Variants in PLCG2 observed in about 807,000 individuals in gnomAD.
PLCG2 encodes phospholipase C gamma 2.
PLCG2 carries 69 observed loss-of-function variants against 175.6 expected under a neutral mutation model. That is an observed-to-expected ratio of 0.39 (90% CI 0.32 to 0.48). The LOEUF (loss-of-function observed/expected upper bound fraction) is 0.48, where lower values mean the gene tolerates loss of function less well. Ranked by LOEUF, PLCG2 falls within the 20% of genes least tolerant of loss-of-function variation. The probability of loss-of-function intolerance (pLI) is 0.91; values close to 1 mark genes in which losing one functional copy is unlikely to be tolerated. For synonymous variants in PLCG2, 827 were observed against 624.0 expected (o/e 1.33, Z -4.85); for missense variants, 1,798 against 1,650.9 (o/e 1.09, Z -1.54).
chr16:81,876,845 C>G (rs1430562482), intron 7 of PLCG2, among the ~76,000 whole-genome samples: 1 of 152,200 alleles, frequency 6.6e-6, no homozygotes, highest in Non-Finnish European at 1.5e-5. Flanking sequence ...CTGCTGCCTC[C>G]ACGGTGCACC....
chr16:81,764,028 C>G (rs138839512), intron 2 of PLCG2, among the ~76,000 whole-genome samples: 2,766 of 151,866 alleles, frequency 0.018, 86 homozygotes, highest in African/African-American at 0.064. Context: ...TGCAGTGGTT[C>G]AAGCCTGTAA....
At chr16:81,783,217 A>G (rs959952025) in intron 1 of PLCG2, 1 of 456,216 alleles carries the variant, frequency 2.2e-6, no homozygotes, top group Non-Finnish European at 4.4e-6. Flanking sequence ...GAACTCCAGG[A>G]TGCATGGCTG....
intron 1 of PLCG2, among the ~76,000 whole-genome samples, chr16:81,751,023 C>T (rs949926218): frequency 4.0e-5 from 5 of 125,044 alleles, no homozygotes; most frequent in African/African-American, 1.2e-4. Context: ...TCTTGTTGTC[C>T]AGACTGGAGT....
At chr16:81,805,142 G>A (rs1911936080) in intron 2 of PLCG2, among the ~76,000 whole-genome samples, 1 of 152,106 alleles carries the variant, frequency 6.6e-6, no homozygotes, top group African/African-American at 2.4e-5. Flanking sequence ...CACAGATAGG[G>A]GAAAATATTT....
intron 2 of PLCG2, among the ~76,000 whole-genome samples, chr16:81,822,816 A>G (rs1904864654): frequency 6.6e-6 from 1 of 151,090 alleles, no homozygotes; most frequent in Non-Finnish European, 1.5e-5. Flanking sequence ...GTAGAAGACA[A>G]TGGCAAGATG....
chr16:81,775,047 A>G (rs529564635), upstream of PLCG2, among the ~76,000 whole-genome samples: 6 of 152,264 alleles, frequency 3.9e-5, no homozygotes, highest in East Asian at 1.2e-3. Flanking sequence ...TGCCCAGTCC[A>G]CAGATATTTT....
intron 2 of PLCG2, among the ~76,000 whole-genome samples, chr16:81,836,191 C>G (rs897778527): frequency 2.2e-4 from 34 of 152,164 alleles, no homozygotes; most frequent in Admixed American, 1.7e-3. Context: ...ATCCAAATGA[C>G]ACAGCTGACC....
chr16:81,744,323 C>T (rs952625721), intron 1 of PLCG2, among the ~76,000 whole-genome samples: 1 of 151,996 alleles, frequency 6.6e-6, no homozygotes, highest in Non-Finnish European at 1.5e-5. Context: ...CGCCACCAAG[C>T]CTGGCTAATT....
chr16:81,858,260 C>T lies in PLCG2; in HGVS notation c.338-3C>T, dbSNP rs2143487326. 2.5e-6 allele frequency: 4 copies of T among 1,606,300 alleles called. No individual in the cohort carries two copies. The highest frequency in any genetic ancestry group is 1.3e-5 in the African/African-American group (1 of 74,870). On this transcript the variant is annotated splice_polypyrimidine_tract_variant and splice_region_variant and intron_variant, in intron 3 of 32. Coordinates refer to ENST00000564138, the MANE Select transcript of PLCG2 (RefSeq NM_002661.5). Reference sequence around the variant, plus strand: ...GCATTTCTGTTCCCTTTCTCCACTCCAGCTGACTCTAAAGAGGATGCAGTT... The same window carrying T: ...GCATTTCTGTTCCCTTTCTCCACTCTAGCTGACTCTAAAGAGGATGCAGTT...
chr16:81,957,265 C>T (rs991352449), intron 32 of PLCG2, among the ~76,000 whole-genome samples: 2 of 152,162 alleles, frequency 1.3e-5, no homozygotes, highest in Non-Finnish European at 2.9e-5. Flanking sequence ...CACCATTGCA[C>T]TCCAGCCTGG....
chr16:81,926,296 C>G (rs962512691), intron 22 of PLCG2, among the ~76,000 whole-genome samples: 3 of 152,234 alleles, frequency 2.0e-5, no homozygotes, highest in East Asian at 1.9e-4. Flanking sequence ...GGGGAGCCAT[C>G]ATGTGGTGTG....
chr16:81,749,611 C>A (rs1325405377), intron 1 of PLCG2, among the ~76,000 whole-genome samples: 1 of 152,194 alleles, frequency 6.6e-6, no homozygotes, highest in Non-Finnish European at 1.5e-5. Flanking sequence ...GCCTTGGCCT[C>A]CCAAACTGCT....
chr16:81,846,003 C>T (rs1906095271), intron 2 of PLCG2, among the ~76,000 whole-genome samples: 1 of 152,164 alleles, frequency 6.6e-6, no homozygotes, highest in Non-Finnish European at 1.5e-5. Context: ...ATGGTACCTG[C>T]CTCATAGTGT....
intron 17 of PLCG2, among the ~76,000 whole-genome samples, chr16:81,910,310 G>A (rs1567528422): frequency 6.6e-6 from 1 of 152,078 alleles, no homozygotes; most frequent in Non-Finnish European, 1.5e-5. Flanking sequence ...AGGCTGGTCT[G>A]GAACTCCTAA....
chr16:81,927,925 T>C (rs1318106403), intron 23 of PLCG2, among the ~76,000 whole-genome samples: 2 of 152,184 alleles, frequency 1.3e-5, no homozygotes, highest in African/African-American at 4.8e-5. Flanking sequence ...AAGCCCTTGC[T>C]TCCTCTGTAC....
intron 2 of PLCG2, among the ~76,000 whole-genome samples, chr16:81,825,137 C>A (rs76902880): frequency 1.3e-5 from 2 of 152,170 alleles, no homozygotes; most frequent in African/African-American, 4.8e-5. Context: ...GAAATCAGAC[C>A]TGCATAATTG....
At chr16:81,928,422 G>T in intron 23 of PLCG2, 136 bp from the exon 24 acceptor site, 1 of 652,024 alleles carries the variant, frequency 1.5e-6, no homozygotes, top group Non-Finnish European at 2.9e-6. Context: ...TCTCCCCATG[G>T]ACGTATCTGG....
intron 2 of PLCG2, among the ~76,000 whole-genome samples, chr16:81,763,544 C>T (rs547122300): frequency 7.9e-5 from 12 of 152,356 alleles, no homozygotes; most frequent in African/African-American, 2.9e-4. Flanking sequence ...GGCACCTCTC[C>T]AGCATGGTGA....
rs74029206 is a variant in PLCG2 at position 81,765,728 on chromosome 16, C to G, written c.-48+9762C>G. Among the ~76,000 whole-genome samples, 289 of 152,320 alleles carry G rather than the reference C, an allele frequency of 1.9e-3. 1 individual carries two copies. The highest frequency in any genetic ancestry group is 6.2e-3 in the African/African-American group (258 of 41,574). ...CAGCGAGTTATGGTGTTTGTTATAGCAGCTCTGGGAAACTAATGCATGTTT... is the reference window on the plus strand; with the variant it reads ...CAGCGAGTTATGGTGTTTGTTATAGGAGCTCTGGGAAACTAATGCATGTTT... On this transcript the variant is annotated intron_variant, in intron 2 of 5. Transcript: ENST00000565054.
Sources: gnomAD v4.1 joint callset for allele counts (sites outside exome capture counted in the v4.1 genomes callset) on GRCh38, gnomAD v4.1.1 for gene constraint, MANE v1.5 for transcripts, NCBI Gene and HGNC (gene_info 2026-07-23, HGNC 2026-07-21) for gene names.